Variants in ZKSCAN5 observed in about 807,000 individuals in gnomAD.
The protein encoded by ZKSCAN5 is zinc finger with KRAB and SCAN domains 5, also known as zinc finger protein with KRAB and SCAN domains 5.
A neutral mutation model predicts 60.0 loss-of-function variants in ZKSCAN5; 28 were observed. That is an observed-to-expected ratio of 0.47 (90% confidence interval 0.35 to 0.64). The LOEUF (loss-of-function observed/expected upper bound fraction) is 0.64, where lower values mean the gene tolerates loss of function less well. Among genes scored for constraint, ZKSCAN5 ranks in the 30% least tolerant of loss-of-function variants. ZKSCAN5 has a pLI of 0.01. For synonymous variants in ZKSCAN5, 361 were observed against 371.2 expected, an observed-to-expected ratio of 0.97 and a Z score of 0.31; for missense variants, 881 against 1,034.6, an observed-to-expected ratio of 0.85 and a Z score of 2.04.
chr7:99,525,807 T>C lies in ZKSCAN5; in HGVS notation c.773-6T>C. 1 of 1,583,676 alleles carries C rather than the reference T, an allele frequency of 6.3e-7. No individual in the cohort carries two copies. Among genetic ancestry groups the C allele is most frequent in the Non-Finnish European group, 8.6e-7 (1 of 1,162,356 alleles). On this transcript the variant is annotated splice_polypyrimidine_tract_variant and splice_region_variant and intron_variant, in intron 5 of 6. Transcript: ENST00000326775. Reference sequence around the variant, plus strand: ...TCATTTTTTAATTCTCCCTCTGTTATTTCAGGTTATGAGTCCAGGGACAAT... The same window carrying C: ...TCATTTTTTAATTCTCCCTCTGTTACTTCAGGTTATGAGTCCAGGGACAAT...
In ZKSCAN5 at chr7:99,532,153, G is replaced by T; in HGVS notation, c.2424G>T (p.Met808Ile). ...EKPFQCKECGMNFSWSCSLFK... is the reference protein window; with the variant it reads ...EKPFQCKECGINFSWSCSLFK... ...CTTTTCAATGTAAAGAATGTGGAAT[G>T]AATTTCAGCTGGAGTTGTAGCCTCT... Residue 808 changes from methionine to isoleucine, a missense_variant, in exon 7 of 7, where the codon ATG becomes ATT. Met to Ile is a conservative substitution (Grantham distance 10, BLOSUM62 1). Transcript: ENST00000326775. 1.2e-6 allele frequency: 2 copies of T among 1,613,826 alleles called. No homozygotes were observed. The highest frequency in any genetic ancestry group is 1.7e-6 in the Non-Finnish European group (2 of 1,180,032).
In ZKSCAN5 at chr7:99,532,406, C is replaced by T; in HGVS notation, c.*157C>T. The T allele has an allele frequency of 1.7e-6, 1 of 594,434 alleles. No homozygotes were observed. The highest frequency in any genetic ancestry group is 2.7e-6 in the Non-Finnish European group (1 of 373,768). The allele number at this position is 594,434 out of a possible 1,614,324, so 36.8% of individuals were successfully genotyped here. A position where few individuals can be genotyped will look rare whatever the true frequency, so the allele number is the denominator to read the frequency against. On this transcript the variant is annotated 3_prime_UTR_variant, in exon 7 of 7. Coordinates refer to ENST00000326775, the MANE Select transcript of ZKSCAN5 (RefSeq NM_145102.4). ...CTCAGCCTTTAGGAACACCGGAGAA[C>T]CCACAATAATAGAAATCTTTTCGTG...
rs1054040612 is a variant in ZKSCAN5 at position 99,533,542 on chromosome 7, A to T, written c.*1293A>T. 7.3e-6 allele frequency: 3 copies of T among 413,028 alleles called. No individual in the cohort carries two copies. The highest frequency in any genetic ancestry group is 4.1e-5 in the Admixed American group (1 of 24,390). The allele number at this position is 413,028 out of a possible 1,614,324, so 25.6% of individuals were successfully genotyped here. A position where few individuals can be genotyped will look rare whatever the true frequency, so the allele number is the denominator to read the frequency against. On this transcript the variant is annotated 3_prime_UTR_variant, in exon 7 of 7. Coordinates refer to ENST00000326775, the MANE Select transcript of ZKSCAN5 (RefSeq NM_145102.4). ...CCCAGCTGCTCTGAGTTTGGGCTGCAAGTGCTCACAGCTCTTGTTCTCCAG... is the reference window on the plus strand; with the variant it reads ...CCCAGCTGCTCTGAGTTTGGGCTGCTAGTGCTCACAGCTCTTGTTCTCCAG...
intron 5 of ZKSCAN5, among the ~76,000 whole-genome samples, chr7:99,523,924 A>C (rs1801655088): frequency 1.3e-5 from 2 of 152,182 alleles, no homozygotes; most frequent in African/African-American, 4.8e-5. Context: ...GTAAGGATTA[A>C]ATATACCATA....
intron 6 of ZKSCAN5, among the ~76,000 whole-genome samples, chr7:99,530,282 G>A (rs1158034301): frequency 5.3e-5 from 8 of 151,690 alleles, no homozygotes; most frequent in East Asian, 1.9e-4. Flanking sequence ...TGATCTGCCC[G>A]CCTCGGCCTC....
At chr7:99,516,525 C>T (rs894295632) in intron 3 of ZKSCAN5, among the ~76,000 whole-genome samples, 2 of 152,060 alleles carry the variant, frequency 1.3e-5, no homozygotes, top group Non-Finnish European at 2.9e-5. Context: ...CTCCAGGACT[C>T]CAGATCTAAA....
Position 99,526,231 on chromosome 7 carries a change from A to T in ZKSCAN5, c.1191A>T (p.Thr397=), listed in dbSNP as rs756174982. The T allele has an allele frequency of 1.9e-6, 3 of 1,614,034 alleles. No individual in the cohort carries two copies. In the African/African-American group the frequency reaches 4.0e-5, roughly 22 times the overall value. The change falls in exon 6 of 7, where the codon ACA becomes ACT. Residue 397 remains threonine, a synonymous_variant. Coordinates refer to ENST00000326775, the MANE Select transcript of ZKSCAN5 (RefSeq NM_145102.4). ...TCACCCAGCACCAGCGCGTCCACACAGGGGAGAAACCCTACAAATGTCAGG... is the reference window on the plus strand; with the variant it reads ...TCACCCAGCACCAGCGCGTCCACACTGGGGAGAAACCCTACAAATGTCAGG... The part of the protein sequence containing the change: ...VHLTQHQRVH[T]GEKPYKCQVC...
At chr7:99,505,968 C>A in intron 1 of ZKSCAN5, 37 bp from the exon 2 acceptor site, 1 of 1,528,168 alleles carries the variant, frequency 6.5e-7, no homozygotes, top group South Asian at 1.2e-5. Context: ...AAGTGTCCTT[C>A]AGAAGATATT....
At chr7:99,525,151 G>A (rs1443696532) in intron 5 of ZKSCAN5, among the ~76,000 whole-genome samples, 5 of 149,626 alleles carry the variant, frequency 3.3e-5, no homozygotes, top group South Asian at 2.1e-4. Context: ...GGGTGGCAGA[G>A]TGAGACTCCG....
chr7:99,509,061 TC>T (rs1173421978), intron 2 of ZKSCAN5, among the ~76,000 whole-genome samples: 1 of 152,100 alleles, frequency 6.6e-6, no homozygotes, highest in Admixed American at 6.6e-5. Flanking sequence ...CGATCTTGTC[TC>T]ACTGCAACCT....
chr7:99,525,943 C>T lies in ZKSCAN5; in HGVS notation c.903C>T (p.Asp301=), dbSNP rs1366778834. Residue 301 remains aspartate (D), a synonymous_variant, in exon 6 of 7, where the codon GAC becomes GAT. Coordinates refer to ENST00000326775, the MANE Select transcript of ZKSCAN5 (RefSeq NM_145102.4). ...PQDPDFAEVS[D]LKGMVQRWQV... ...ATCCAGACTTTGCAGAAGTCAGTGACCTTAAAGGCATGGTACAAAGGTGGC... is the reference window on the plus strand; with the variant it reads ...ATCCAGACTTTGCAGAAGTCAGTGATCTTAAAGGCATGGTACAAAGGTGGC... 6.2e-7 allele frequency: 1 copy of T among 1,614,016 alleles called. No homozygotes were observed.
In ZKSCAN5 at chr7:99,525,953, A is replaced by C; in HGVS notation, c.913A>C (p.Met305Leu). The stretch of plus-strand genomic sequence containing the variant: ...TGCAGAAGTCAGTGACCTTAAAGGC[A>C]TGGTACAAAGGTGGCAGGTCAACCC... ...DFAEVSDLKG[M>L]VQRWQVNPTV... Residue 305 changes from methionine (M) to leucine (L), a missense_variant, in exon 6 of 7, where the codon ATG (methionine) becomes CTG (leucine). By Grantham distance (15) the Met-to-Leu change is conservative. This residue lies in a region of ZKSCAN5 where 490 missense variants were observed against 554.5 expected (regional missense o/e 0.88). Coordinates refer to ENST00000326775, the MANE Select transcript of ZKSCAN5 (RefSeq NM_145102.4). 3.7e-6 allele frequency: 6 copies of C among 1,614,068 alleles called. No individual in the cohort carries two copies. The highest frequency in any genetic ancestry group is 5.1e-6 in the Non-Finnish European group (6 of 1,180,018).
In ZKSCAN5 at chr7:99,506,022, C is replaced by A. The variant is rs754164263; in HGVS notation, c.-23C>A. On this transcript the variant is annotated 5_prime_UTR_variant, in exon 2 of 7. Transcript: ENST00000326775. Reference sequence around the variant, plus strand: ...TGTTTCAGTGTAACACAGCCAGCCTCGAAGACTTCCCTCTGAGTTGGAATG... The same window carrying A: ...TGTTTCAGTGTAACACAGCCAGCCTAGAAGACTTCCCTCTGAGTTGGAATG... 1 of 1,605,524 alleles carries A rather than the reference C, an allele frequency of 6.2e-7. No individual in the cohort carries two copies. Among genetic ancestry groups the A allele is most frequent in the Admixed American group, 1.7e-5 (1 of 58,832 alleles).
intron 3 of ZKSCAN5, among the ~76,000 whole-genome samples, chr7:99,512,803 C>CT (rs985304428): frequency 9.3e-5 from 14 of 150,816 alleles, no homozygotes; most frequent in South Asian, 4.2e-4. Flanking sequence ...ACACCAGCTT[C>CT]TTTTTTTTTC....
At chr7:99,510,506 A>G (rs1800971055) in intron 2 of ZKSCAN5, among the ~76,000 whole-genome samples, 1 of 151,902 alleles carries the variant, frequency 6.6e-6, no homozygotes, top group African/African-American at 2.4e-5. Context: ...GTGCAATGGC[A>G]CGATCTCGGC....
intron 5 of ZKSCAN5, among the ~76,000 whole-genome samples, chr7:99,520,514 A>G (rs2151107684): frequency 6.6e-6 from 1 of 152,180 alleles, no homozygotes; most frequent in South Asian, 2.1e-4. Context: ...GTATGATTAA[A>G]CACTGATAGT....
At chr7:99,513,145 A>G (rs1185298114) in intron 3 of ZKSCAN5, among the ~76,000 whole-genome samples, 2 of 151,898 alleles carry the variant, frequency 1.3e-5, no homozygotes, top group East Asian at 1.9e-4. Flanking sequence ...TGTCCCTACA[A>G]AGGACATGAA....
At chr7:99,524,070 G>A (rs1801663741) in intron 5 of ZKSCAN5, among the ~76,000 whole-genome samples, 1 of 149,980 alleles carries the variant, frequency 6.7e-6, no homozygotes, top group Non-Finnish European at 1.5e-5. Flanking sequence ...ATACTCCCTG[G>A]GTTTTTTTTT....
At chr7:99,518,976 C>G (rs1209389687) in intron 3 of ZKSCAN5, among the ~76,000 whole-genome samples, 1 of 109,262 alleles carries the variant, frequency 9.2e-6, no homozygotes, top group Non-Finnish European at 1.9e-5. Flanking sequence ...ACCTGGCCCC[C>G]ACCTTTTTTT....
Sources: allele counts gnomAD v4.1 joint callset (sites outside exome capture counted in the v4.1 genomes callset), GRCh38; gene constraint gnomAD v4.1.1; regional missense constraint gnomAD v4.1.1; transcripts MANE v1.5; gene names NCBI Gene and HGNC (gene_info 2026-07-23, HGNC 2026-07-21).